Variants in DET1 observed in about 807,000 individuals in gnomAD.
DET1 encodes the protein DET1 partner of COP1 E3 ubiquitin ligase, also known as DET1 homolog.
Under a neutral mutation model 43.7 loss-of-function variants are expected in DET1, and 22 were observed. That is an observed-to-expected ratio of 0.50 (90% CI 0.36 to 0.72). The LOEUF (loss-of-function observed/expected upper bound fraction) is 0.72, where lower values mean the gene tolerates loss of function less well. Among genes scored for constraint, DET1 ranks in the 30% least tolerant of loss-of-function variants. The probability of loss-of-function intolerance (pLI) is 0.00; values close to 1 mark genes in which losing one functional copy is unlikely to be tolerated. For synonymous variants in DET1, 315 were observed against 266.2 expected (o/e 1.18, Z -1.79); for missense variants, 713 against 713.3 (o/e 1.00, Z 0.00).
chr15:88,527,793 A>G lies in DET1; in HGVS notation c.1084-7T>C. 6.3e-7 allele frequency: 1 copy of G among 1,577,838 alleles called. No individual in the cohort carries two copies. The highest frequency in any genetic ancestry group is 1.2e-5 in the South Asian group (1 of 86,888). ...ACACCACAAAGAAAGATGCCTGCAGAAGAAAAGAGAGAGAGGTATGGGACA... is the reference window on the plus strand; with the variant it reads ...ACACCACAAAGAAAGATGCCTGCAGGAGAAAAGAGAGAGAGGTATGGGACA... On this transcript the variant is annotated splice_polypyrimidine_tract_variant and splice_region_variant and intron_variant, in intron 2 of 4. Coordinates refer to ENST00000268148, the MANE Select transcript of DET1 (RefSeq NM_001144074.3).
Position 88,520,178 on chromosome 15 carries a change from G to A in DET1, c.1272-3205C>T, listed in dbSNP as rs142839458. ...TCTACAGGATCAGTCCCATCTGTAT[G>A]CAAACATGCCATTTTTTCCCTCTCA... On this transcript the variant is annotated intron_variant, in intron 3 of 4. Transcript: ENST00000268148. Among the ~76,000 whole-genome samples the A allele has an allele frequency of 3.8e-3, 571 of 152,216 alleles. 4 individuals are homozygous for A. Among genetic ancestry groups the A allele is most frequent in the African/African-American group, 0.013 (535 of 41,540 alleles).
chr15:88,504,358 C>G lies in DET1; in HGVS notation c.*2066-371G>C, dbSNP rs2056117348. ...TGTTTTATTGGTCATGCCAATCAAC[C>G]ATGATACGATGTGGGAGGGCATGAA... On this transcript the variant is annotated intron_variant and NMD_transcript_variant, in intron 7 of 8. Transcript: ENST00000557842. The surrounding 1 kb of genome is among the most constrained non-coding windows in gnomAD (Gnocchi z 4.7). 2.6e-5 allele frequency: 4 copies of G among 152,160 alleles called. No homozygotes were observed. The highest frequency in any genetic ancestry group is 5.9e-5 in the Non-Finnish European group (4 of 68,032). The allele number at this position is 152,160 out of a possible 1,614,324, so 9.4% of individuals were successfully genotyped here.
chr15:88,517,261 T>C (rs147953061), intron 3 of DET1, among the ~76,000 whole-genome samples: 336 of 151,362 alleles, frequency 2.2e-3, no homozygotes, highest in African/African-American at 8.1e-3. Flanking sequence ...GGTCTCGCTT[T>C]GTTGCCCAGG....
chr15:88,509,338 T>G (rs1029301316), downstream of DET1, among the ~76,000 whole-genome samples: 3 of 152,120 alleles, frequency 2.0e-5, no homozygotes, highest in South Asian at 2.1e-4. Context: ...GGTTTTGAAG[T>G]GAGAGGCAAA....
intron 1 of DET1, among the ~76,000 whole-genome samples, chr15:88,541,584 G>A (rs1255052958): frequency 6.6e-6 from 1 of 152,226 alleles, no homozygotes; most frequent in Non-Finnish European, 1.5e-5. Flanking sequence ...ACTCTGTGAA[G>A]TAGAATGGCC....
In DET1 at chr15:88,531,265, G is replaced by A; in HGVS notation, c.441C>T (p.Phe147=). The part of the protein sequence containing the change: ...GEHLNRECSL[F]TDDCRCVIVG... ...CGATGACACAGCGGCAGTCATCAGT[G>A]AAGAGACTACACTCCCGGTTCAGGT... Residue 147 remains phenylalanine, a synonymous_variant, in exon 2 of 5, where the codon TTC becomes TTT. Transcript: ENST00000268148. The surrounding 1 kb of genome is among the most constrained non-coding windows in gnomAD (Gnocchi z 6.2). 6.2e-7 allele frequency: 1 copy of A among 1,613,900 alleles called. No individual in the cohort carries two copies. The highest frequency in any genetic ancestry group is 8.5e-7 in the Non-Finnish European group (1 of 1,179,856).
Position 88,513,071 on chromosome 15 carries a change from G to T in DET1, c.1533C>A (p.Asn511Lys), listed in dbSNP as rs2056236475. The T allele has an allele frequency of 2.5e-6, 4 of 1,614,068 alleles. No homozygotes were observed. The highest frequency in any genetic ancestry group is 3.4e-6 in the Non-Finnish European group (4 of 1,179,898). Reference sequence around the variant, plus strand: ...AGGCAACAAGGCGTCGCACTGTGTGGTTGATGGGGCGGCCCAATAACCCCG... The same window carrying T: ...AGGCAACAAGGCGTCGCACTGTGTGTTTGATGGGGCGGCCCAATAACCCCG... ...IQAGLLGRPINHTVRRLVAFT... is the reference protein window; with the variant it reads ...IQAGLLGRPIKHTVRRLVAFT... The change falls in exon 5 of 5, where the codon AAC becomes AAA. Residue 511 changes from asparagine to lysine, a missense_variant. Asn to Lys is a moderately conservative substitution (Grantham distance 94, BLOSUM62 0). Coordinates refer to ENST00000268148, the MANE Select transcript of DET1 (RefSeq NM_001144074.3).
intron 7 of DET1, chr15:88,505,924 T>C (rs1199842024): frequency 1.3e-5 from 2 of 152,110 alleles, no homozygotes; most frequent in African/African-American, 2.4e-5. Context: ...TAGGTATGCA[T>C]AGGTGATGCA....
intron 4 of DET1, among the ~76,000 whole-genome samples, chr15:88,514,293 G>C (rs1030530673): frequency 4.6e-5 from 7 of 151,822 alleles, no homozygotes; most frequent in African/African-American, 1.7e-4. Flanking sequence ...CTGAATGGCT[G>C]AGGCAGGTCG....
intron 1 of DET1, among the ~76,000 whole-genome samples, chr15:88,541,818 T>G (rs558366004): frequency 2.4e-4 from 36 of 152,224 alleles, no homozygotes; most frequent in African/African-American, 8.7e-4. Context: ...ACCTCGACCC[T>G]CAGCCAGTTC....
intron 1 of DET1, among the ~76,000 whole-genome samples, chr15:88,533,117 A>G (rs1176892376): frequency 6.6e-6 from 1 of 152,244 alleles, no homozygotes; most frequent in African/African-American, 2.4e-5. Context: ...CCAATTTTAA[A>G]ATGGTCAAAG....
intron 3 of DET1, among the ~76,000 whole-genome samples, chr15:88,520,980 T>A (rs1039297734): frequency 6.6e-6 from 1 of 152,210 alleles, no homozygotes; most frequent in Admixed American, 6.5e-5. Context: ...AGTGACTCTG[T>A]TAAAACATAA....
chr15:88,511,460 T>C (rs906290158), downstream of DET1: 9 of 985,488 alleles, frequency 9.1e-6, no homozygotes, highest in Non-Finnish European at 9.6e-6. Context: ...CCTTTGTATA[T>C]GCTGGGCCTC....
Position 88,531,746 on chromosome 15 carries a change from A to G in DET1, c.-10-31T>C. On this transcript the variant is annotated intron_variant, in intron 1 of 4. Transcript: ENST00000268148. This position sits in a 1 kb window ranked among gnomAD's most constrained non-coding sequence, Gnocchi z 6.2. ...CAGAAAAGTAAAGCAGAAGTCAAGA[A>G]AGTGAAACAGAATTTACCAAAATAT... 2 of 1,563,608 alleles carry G rather than the reference A, an allele frequency of 1.3e-6. No individual in the cohort carries two copies. The highest frequency in any genetic ancestry group is 2.3e-5 in the East Asian group (1 of 44,242).
At chr15:88,546,070 C>T (rs905852603) in intron 1 of DET1, among the ~76,000 whole-genome samples, 6 of 151,824 alleles carry the variant, frequency 4.0e-5, no homozygotes, top group African/African-American at 1.5e-4. Flanking sequence ...TTTAACTAGA[C>T]CCCCCCTCCC....
chr15:88,532,108 C>T (rs976746408), intron 1 of DET1, among the ~76,000 whole-genome samples: 1 of 152,088 alleles, frequency 6.6e-6, no homozygotes, highest in African/African-American at 2.4e-5. Context: ...TCAAGCCCAG[C>T]CTGGAAAACA....
chr15:88,525,148 C>G (rs1352066011), intron 3 of DET1, among the ~76,000 whole-genome samples: 1 of 152,112 alleles, frequency 6.6e-6, no homozygotes, highest in Non-Finnish European at 1.5e-5. Context: ...ATATAAAATA[C>G]TTGAATACCA....
chr15:88,513,830 C>T (rs1329677961), intron 4 of DET1, among the ~76,000 whole-genome samples: 1 of 122,856 alleles, frequency 8.1e-6, no homozygotes, highest in Non-Finnish European at 1.6e-5. Flanking sequence ...GACGGAGTCT[C>T]GCTCTGTCGC....
intron 4 of DET1, among the ~76,000 whole-genome samples, chr15:88,515,912 C>T (rs552025510): frequency 2.0e-5 from 3 of 152,088 alleles, no homozygotes; most frequent in South Asian, 2.1e-4. Context: ...TTTTTGTATA[C>T]GTTTAAAACT....
Sources: gnomAD v4.1 joint callset for allele counts (sites outside exome capture counted in the v4.1 genomes callset) on GRCh38, gnomAD v4.1.1 for gene constraint, Gnocchi (gnomAD v3.1) non-coding constraint, MANE v1.5 for transcripts, NCBI Gene and HGNC (gene_info 2026-07-23, HGNC 2026-07-21) for gene names.